The following CEP112 variants were observed in gnomAD, a reference collection of about 807,000 sequenced individuals.
CEP112 encodes centrosomal protein 112.
CEP112 carries 127 observed loss-of-function variants against 153.0 expected under a neutral mutation model. The observed-to-expected ratio is 0.83, with a 90% CI of 0.72 to 0.96. CEP112 has a LOEUF of 0.96. Among genes scored for constraint, CEP112 ranks in the 40% least tolerant of loss-of-function variants. The pLI, the probability that CEP112 is intolerant of heterozygous loss-of-function variation, is 0.00. For missense variants in CEP112, 1,089 were observed against 1,101.2 expected, an observed-to-expected ratio of 0.99 and a Z score of 0.16; for synonymous variants, 358 against 374.4, an observed-to-expected ratio of 0.96 and a Z score of 0.51.
At chr17:65,855,269 A>G (rs1023954277) in intron 20 of CEP112, among the ~76,000 whole-genome samples, 2 of 152,138 alleles carry the variant, frequency 1.3e-5, no homozygotes, top group Admixed American at 1.3e-4. Flanking sequence ...TTCCATTACC[A>G]TGTTGGGAGC....
intron 21 of CEP112, among the ~76,000 whole-genome samples, chr17:65,760,865 C>T (rs1169409174): frequency 6.6e-6 from 1 of 151,890 alleles, no homozygotes; most frequent in African/African-American, 2.4e-5. Flanking sequence ...ACCATTGAAT[C>T]CATGTAGGCC....
At chr17:65,859,852 C>CA (rs573790538) in intron 20 of CEP112, among the ~76,000 whole-genome samples, 4,365 of 100,302 alleles carry the variant, frequency 0.044, 192 homozygotes, top group East Asian at 0.12. Flanking sequence ...ACTAAAAATA[C>CA]AAAAAAAAAA....
At chr17:65,993,853 G>A (rs11079615) in intron 17 of CEP112, among the ~76,000 whole-genome samples, 62,528 of 151,920 alleles carry the variant, frequency 0.41, 14,342 homozygotes, top group East Asian at 0.87. Context: ...GGCTTGGGAG[G>A]GAGGCTTCTG....
At chr17:65,900,605 G>GTATTT (rs1453672035) in intron 20 of CEP112, among the ~76,000 whole-genome samples, 1 of 152,080 alleles carries the variant, frequency 6.6e-6, no homozygotes, top group African/African-American at 2.4e-5. Flanking sequence ...GCAAATTAGT[G>GTATTT]TATTTTATTT....
intron 6 of CEP112, among the ~76,000 whole-genome samples, chr17:66,113,617 A>T (rs907841905): frequency 2.0e-5 from 3 of 152,236 alleles, no homozygotes; most frequent in Non-Finnish European, 2.9e-5. Context: ...TTTAAAAGCC[A>T]TTAAATAAAG....
At chr17:65,750,560 C>T in intron 22 of CEP112, 102 bp downstream of exon 22, 1 of 888,340 alleles carries the variant, frequency 1.1e-6, no homozygotes, top group Admixed American at 2.1e-5. Context: ...CAAAAAAAAA[C>T]TGAAAAGAAT....
At chr17:65,859,746 T>G (rs565684071) in intron 20 of CEP112, among the ~76,000 whole-genome samples, 1 of 149,478 alleles carries the variant, frequency 6.7e-6, no homozygotes, top group African/African-American at 2.5e-5. Flanking sequence ...CGGTGGCTCA[T>G]GCCTGTAATC....
chr17:65,935,469 A>G (rs1388213404), intron 18 of CEP112, among the ~76,000 whole-genome samples: 3 of 152,202 alleles, frequency 2.0e-5, no homozygotes, highest in Non-Finnish European at 4.4e-5. Context: ...AAGAGAATAC[A>G]CTTATGTCTC....
At chr17:65,915,787 C>CAAAAAAAAA (rs755351021) in intron 19 of CEP112, among the ~76,000 whole-genome samples, 3 of 56,586 alleles carry the variant, frequency 5.3e-5, no homozygotes, top group Non-Finnish European at 6.9e-5. Flanking sequence ...GACTCAAACT[C>CAAAAAAAAA]AAAAAAAAAA....
intron 18 of CEP112, among the ~76,000 whole-genome samples, chr17:65,932,345 A>G (rs953934126): frequency 6.6e-6 from 1 of 152,208 alleles, no homozygotes; most frequent in Non-Finnish European, 1.5e-5. Flanking sequence ...TAAGTACACA[A>G]AGATTACAAA....
chr17:65,717,611 C>G (rs1183868431), intron 23 of CEP112, among the ~76,000 whole-genome samples: 2 of 152,210 alleles, frequency 1.3e-5, no homozygotes, highest in Non-Finnish European at 2.9e-5. Context: ...GTGTCCAGCA[C>G]AGTGGGCCTA....
intron 16 of CEP112, among the ~76,000 whole-genome samples, chr17:66,009,886 C>A (rs2064439864): frequency 6.6e-6 from 1 of 152,150 alleles, no homozygotes; most frequent in Non-Finnish European, 1.5e-5. Flanking sequence ...AGTTTGAAGT[C>A]AGGCAATGTG....
chr17:66,074,724 G>A (rs1899583), intron 8 of CEP112, among the ~76,000 whole-genome samples: 51,403 of 151,762 alleles, frequency 0.34, 10,248 homozygotes, highest in Non-Finnish European at 0.45. Context: ...TTAGCTGGGC[G>A]TGGTGGCACG....
In CEP112 at chr17:66,042,222, C is replaced by G. The variant is rs189328174; in HGVS notation, c.1218+11514G>C. 6.8e-4 allele frequency among the ~76,000 whole-genome samples: 103 copies of G among 152,176 alleles called. 1 individual carries two copies. Among genetic ancestry groups the G allele is most frequent in the African/African-American group, 2.4e-3 (100 of 41,540 alleles). On this transcript the variant is annotated intron_variant, in intron 12 of 26. Coordinates refer to ENST00000535342, the MANE Select transcript of CEP112 (RefSeq NM_001199165.4). ...AAAATTAGCTGGGCATGGTGGCACA[C>G]ACCTGTAATCCTAGCTACTCAGGAG...
Position 65,950,699 on chromosome 17 carries a change from C to CTATTATTATTATTAG in CEP112, c.1872+10763_1872+10764insCTAATAATAATAATA, listed in dbSNP as rs57598697. Among the ~76,000 whole-genome samples the CTATTATTATTATTAG allele has an allele frequency of 4.6e-3, 676 of 147,178 alleles. 3 individuals are homozygous for CTATTATTATTATTAG. Among genetic ancestry groups the CTATTATTATTATTAG allele is most frequent in the African/African-American group, 9.5e-3 (382 of 40,264 alleles). On this transcript the variant is annotated intron_variant, in intron 18 of 26. Coordinates refer to ENST00000535342, the MANE Select transcript of CEP112 (RefSeq NM_001199165.4). ...CTTTCTTTCCATTCTGGATACATTA[C>CTATTATTATTATTAG]TAGTAGTAGTAGTAGTAGTAGTAGT...
Position 65,743,685 on chromosome 17 carries a change from T to C in CEP112, c.2458-468A>G, listed in dbSNP as rs1204502526. Among the ~76,000 whole-genome samples, 6 of 152,236 alleles carry C rather than the reference T, an allele frequency of 3.9e-5. No individual in the cohort carries two copies. In the East Asian group the frequency reaches 9.6e-4, roughly 24 times the overall value. ...TTGGGAATTCACTAATGTTTGTGTA[T>C]TGTGTTTAACACTTTAAGTTCTTAT... On this transcript the variant is annotated intron_variant, in intron 22 of 26. Transcript: ENST00000535342.
At chr17:65,774,128 C>G (rs1011412661) in intron 21 of CEP112, among the ~76,000 whole-genome samples, 31 of 151,036 alleles carry the variant, frequency 2.1e-4, no homozygotes, top group Admixed American at 2.0e-3. Flanking sequence ...AAACGATAAC[C>G]AGGGCTGACT....
At chr17:65,730,987 A>G (rs1385410367) in intron 23 of CEP112, among the ~76,000 whole-genome samples, 1 of 152,048 alleles carries the variant, frequency 6.6e-6, no homozygotes, top group Non-Finnish European at 1.5e-5. Flanking sequence ...GAAACTTTCA[A>G]TACGCTAGCT....
chr17:65,742,543 A>T (rs919064683), intron 23 of CEP112, among the ~76,000 whole-genome samples: 12 of 152,216 alleles, frequency 7.9e-5, no homozygotes, highest in Admixed American at 3.3e-4. Flanking sequence ...TAAGGGTGTG[A>T]TTCTCTGAAG....
Sources: gnomAD v4.1 joint callset for allele counts (sites outside exome capture counted in the v4.1 genomes callset) on GRCh38, gnomAD v4.1.1 for gene constraint, MANE v1.5 for transcripts, NCBI Gene and HGNC (gene_info 2026-07-23, HGNC 2026-07-21) for gene names.